The following ELMOD1 variants were observed in gnomAD, a reference collection of about 807,000 sequenced individuals.
ELMOD1 encodes the protein ELMO domain containing 1, also known as ELMO domain-containing protein 1.
Under a neutral mutation model 46.7 loss-of-function variants are expected in ELMOD1, and 21 were observed. The observed-to-expected ratio is 0.45, with a 90% confidence interval of 0.32 to 0.65. The LOEUF is 0.65. Ranked by LOEUF, ELMOD1 falls within the 30% of genes least tolerant of loss-of-function variation. ELMOD1 has a pLI of 0.04. For missense variants in ELMOD1, 348 were observed against 407.8 expected, an observed-to-expected ratio of 0.85 and a Z score of 1.26; for synonymous variants, 122 against 138.2, an observed-to-expected ratio of 0.88 and a Z score of 0.82.
chr11:107,636,310 C>CT (rs1176138637), intron 6 of ELMOD1, among the ~76,000 whole-genome samples: 8 of 152,250 alleles, frequency 5.3e-5, no homozygotes, highest in Non-Finnish European at 8.8e-5. Flanking sequence ...ATACTCCTGG[C>CT]TGTCAAAGCA....
chr11:107,656,367 A>G (rs1866631422), intron 11 of ELMOD1, among the ~76,000 whole-genome samples: 1 of 150,652 alleles, frequency 6.6e-6, no homozygotes. Flanking sequence ...CAGCCTGGAC[A>G]ACAGAGTGAG....
Position 107,665,376 on chromosome 11 carries a change from T to G in ELMOD1, c.*179T>G. ...TCCCCAGAGACCACTGTTTCTGGAG[T>G]ATCTGTCATCCAGTGACTGCTCATA... On this transcript the variant is annotated 3_prime_UTR_variant, in exon 12 of 12. Transcript: ENST00000265840. 1.6e-6 allele frequency: 1 copy of G among 635,532 alleles called. No homozygotes were observed. The highest frequency in any genetic ancestry group is 2.6e-6 in the Non-Finnish European group (1 of 377,864). The allele number at this position is 635,532 out of a possible 1,614,324, so 39.4% of individuals were successfully genotyped here. A position where few individuals can be genotyped will look rare whatever the true frequency, so the allele number is the denominator to read the frequency against.
At chr11:107,634,685 G>C (rs1866197983) in intron 5 of ELMOD1, among the ~76,000 whole-genome samples, 1 of 152,156 alleles carries the variant, frequency 6.6e-6, no homozygotes, top group Non-Finnish European at 1.5e-5. Flanking sequence ...AGGTTGCAGT[G>C]AGCCAAGATT....
intron 1 of ELMOD1, among the ~76,000 whole-genome samples, chr11:107,605,051 T>C (rs1384300430): frequency 1.3e-5 from 2 of 152,232 alleles, no homozygotes; most frequent in East Asian, 3.8e-4. Context: ...TATTATTTTA[T>C]CATGGTTTTA....
intron 9 of ELMOD1, among the ~76,000 whole-genome samples, chr11:107,652,974 A>G (rs1866551600): frequency 6.6e-6 from 1 of 152,194 alleles, no homozygotes; most frequent in South Asian, 2.1e-4. Flanking sequence ...TTTACATTGT[A>G]TTGAGTTCAA....
chr11:107,635,854 CAG>C, intron 6 of ELMOD1, 89 bp downstream of exon 6: 2 of 1,364,298 alleles, frequency 1.5e-6, no homozygotes, highest in Non-Finnish European at 2.0e-6. Context: ...CTCTGGACAT[CAG>C]GGGTACAAAG....
At chr11:107,598,490 T>A (rs1206312819) in intron 1 of ELMOD1, among the ~76,000 whole-genome samples, 2 of 152,166 alleles carry the variant, frequency 1.3e-5, no homozygotes, top group Non-Finnish European at 1.5e-5. Context: ...CCAGAAATAA[T>A]GTTTAATCTG....
intron 11 of ELMOD1, among the ~76,000 whole-genome samples, chr11:107,657,293 C>T (rs1866651377): frequency 6.6e-6 from 1 of 152,160 alleles, no homozygotes; most frequent in Non-Finnish European, 1.5e-5. Flanking sequence ...CCTGTAATCC[C>T]AGCAGTTTGG....
At chr11:107,591,791 C>T (rs1286757767) in intron 1 of ELMOD1, 1 of 464,818 alleles carries the variant, frequency 2.2e-6, no homozygotes, top group East Asian at 7.1e-5. Context: ...CTGGCTGGGG[C>T]GAGGGGCTGG....
chr11:107,607,472 A>G (rs994318618), intron 1 of ELMOD1, among the ~76,000 whole-genome samples: 6 of 152,158 alleles, frequency 3.9e-5, no homozygotes, highest in Non-Finnish European at 7.3e-5. Context: ...CCTGGGCAAC[A>G]TTGTGAGACC....
At chr11:107,617,717 G>T (rs1401213629) in intron 1 of ELMOD1, among the ~76,000 whole-genome samples, 1 of 152,154 alleles carries the variant, frequency 6.6e-6, no homozygotes, top group African/African-American at 2.4e-5. Flanking sequence ...CTTCTACAAA[G>T]TTGGGGCCGC....
At chr11:107,645,879 C>A (rs966358323) in intron 6 of ELMOD1, among the ~76,000 whole-genome samples, 39 of 152,050 alleles carry the variant, frequency 2.6e-4, no homozygotes, top group Non-Finnish European at 8.8e-5. Context: ...TGAATAACAG[C>A]TTTTATTAGT....
Position 107,647,545 on chromosome 11 carries a change from T to C in ELMOD1, c.498T>C (p.Gly166=), listed in dbSNP as rs1273469579. The change falls in exon 7 of 12, where the codon GGT becomes GGC. Residue 166 remains glycine (G), a synonymous_variant. Transcript: ENST00000265840. ...SKQWCEIGFQ[G]DDPKTDFRGM... is the part of the protein sequence containing the mutation. ...AGTGGTGTGAAATTGGTTTCCAAGGTGATGATCCTAAAACAGACTTTCGAG... is the reference window on the plus strand; with the variant it reads ...AGTGGTGTGAAATTGGTTTCCAAGGCGATGATCCTAAAACAGACTTTCGAG... The C allele has an allele frequency of 3.1e-6, 5 of 1,613,658 alleles. No individual in the cohort carries two copies. Among genetic ancestry groups the C allele is most frequent in the Non-Finnish European group, 4.2e-6 (5 of 1,179,770 alleles).
chr11:107,609,459 T>G (rs1428357263), intron 1 of ELMOD1, among the ~76,000 whole-genome samples: 1 of 152,222 alleles, frequency 6.6e-6, no homozygotes, highest in African/African-American at 2.4e-5. Context: ...TTGTCTCATC[T>G]AGGGATTTCA....
At position 107,591,375 on chromosome 11, in the gene ELMOD1, C is replaced by G. The variant is rs546268657; in HGVS notation, c.-120C>G. On this transcript the variant is annotated 5_prime_UTR_variant, in exon 1 of 12. Coordinates refer to ENST00000265840, the MANE Select transcript of ELMOD1 (RefSeq NM_018712.4). ...AGATGAAGACCACGCCGCCGCGCGCCGGGAGCTGCTGAGCCTACCGCCGCC... is the reference window on the plus strand; with the variant it reads ...AGATGAAGACCACGCCGCCGCGCGCGGGGAGCTGCTGAGCCTACCGCCGCC... 1.5e-3 allele frequency: 233 copies of G among 152,788 alleles called. 3 individuals carry two copies. The highest frequency in any genetic ancestry group is 2.8e-3 in the Non-Finnish European group (192 of 68,474). 9.5% of individuals were successfully genotyped at this position (152,788 alleles called of 1,614,324 possible).
chr11:107,660,649 G>A (rs531470848), intron 11 of ELMOD1, among the ~76,000 whole-genome samples: 19 of 152,286 alleles, frequency 1.2e-4, no homozygotes, highest in African/African-American at 4.1e-4. Context: ...AGCTGTACCT[G>A]TTATTGTAGA....
rs191989272 is a variant in ELMOD1, at chr11:107,620,138, C to T, written c.17+1932C>T. On this transcript the variant is annotated intron_variant, in intron 2 of 11. Coordinates refer to ENST00000265840, the MANE Select transcript of ELMOD1 (RefSeq NM_018712.4). ...AATGAATCAGATGTTAATTCCTGAG[C>T]TCAGCAAATGTATTATGGAGAATGA... 3 of 152,306 alleles carry T rather than the reference C, an allele frequency of 2.0e-5. No individual in the cohort carries two copies. The East Asian group carries it at 5.8e-4, about 29-fold the overall frequency. 9.4% of individuals were successfully genotyped at this position (152,306 alleles called of 1,614,324 possible). A position where few individuals can be genotyped will look rare whatever the true frequency, so the allele number is the denominator to read the frequency against.
chr11:107,656,198 G>A (rs1203937905), intron 11 of ELMOD1, 132 bp downstream of exon 11: 4 of 984,598 alleles, frequency 4.1e-6, no homozygotes, highest in Middle Eastern at 3.3e-4. Context: ...GACCAGCTTG[G>A]CCAGCATGGT....
chr11:107,652,044 G>A (rs1866535297), intron 9 of ELMOD1, among the ~76,000 whole-genome samples: 2 of 152,112 alleles, frequency 1.3e-5, no homozygotes, highest in African/African-American at 2.4e-5. Context: ...AAATTACCAC[G>A]CTTTATCCCT....
Sources: gnomAD v4.1 joint callset for allele counts (sites outside exome capture counted in the v4.1 genomes callset) on GRCh38, gnomAD v4.1.1 for gene constraint, MANE v1.5 for transcripts, NCBI Gene and HGNC (gene_info 2026-07-23, HGNC 2026-07-21) for gene names.